The following PLEKHA8 variants were observed in gnomAD, a reference collection of about 807,000 sequenced individuals.
PLEKHA8 encodes pleckstrin homology domain containing A8.
PLEKHA8 carries 36 observed loss-of-function variants against 68.2 expected under a neutral mutation model. That is an observed-to-expected ratio of 0.53 (90% CI 0.40 to 0.70). PLEKHA8 has a LOEUF of 0.70. Among genes scored for constraint, PLEKHA8 ranks in the 30% least tolerant of loss-of-function variants. The pLI is 0.00. For synonymous variants in PLEKHA8, 211 were observed against 216.1 expected, an observed-to-expected ratio of 0.98 and a Z score of 0.20; for missense variants, 505 against 615.4, an observed-to-expected ratio of 0.82 and a Z score of 1.90.
rs190998871 is a variant in PLEKHA8, at chr7:30,038,726, G to A, written c.41-6359G>A. Among the ~76,000 whole-genome samples the A allele has an allele frequency of 4.1e-4, 62 of 152,222 alleles. 1 individual carries two copies. The highest frequency in any genetic ancestry group is 1.3e-3 in the African/African-American group (56 of 41,554). ...TTAATGGAGTACAGTTTTTCATAGT[G>A]ATGTGTTTGGATGAGCCACTTGTCA... On this transcript the variant is annotated intron_variant, in intron 1 of 13. Coordinates refer to ENST00000449726, the MANE Select transcript of PLEKHA8 (RefSeq NM_001197026.2).
At chr7:30,109,124 CTCTT>C (rs1487131144) in intron 13 of PLEKHA8, among the ~76,000 whole-genome samples, 1 of 152,030 alleles carries the variant, frequency 6.6e-6, no homozygotes, top group African/African-American at 2.4e-5. Context: ...TTCACTCTCT[CTCTT>C]TCTCTCTCTC....
chr7:30,070,568 CAG>C (rs1794168055), intron 12 of PLEKHA8, among the ~76,000 whole-genome samples: 1 of 140,400 alleles, frequency 7.1e-6, no homozygotes, highest in Admixed American at 7.4e-5. Flanking sequence ...TTTTTTGAGA[CAG>C]AGTTTCTATG....
chr7:30,032,553 C>T (rs184825121), intron 1 of PLEKHA8, among the ~76,000 whole-genome samples: 2 of 152,290 alleles, frequency 1.3e-5, no homozygotes, highest in African/African-American at 4.8e-5. Flanking sequence ...CACACAGCCA[C>T]TTATTAAGTG....
chr7:30,064,949 G>C (rs1226679999), intron 12 of PLEKHA8, among the ~76,000 whole-genome samples: 1 of 152,162 alleles, frequency 6.6e-6, no homozygotes, highest in Non-Finnish European at 1.5e-5. Context: ...GGGTGGAACG[G>C]AACCCAGCTG....
chr7:30,028,453 G>T lies in PLEKHA8; in HGVS notation c.-310G>T, dbSNP rs1482122602. ...GCCTGCGACCGGCAGCTCGTTCGCCGCACTTTGGAGGCTTCGGCTGCCCCT... is the reference window on the plus strand; with the variant it reads ...GCCTGCGACCGGCAGCTCGTTCGCCTCACTTTGGAGGCTTCGGCTGCCCCT... On this transcript the variant is annotated 5_prime_UTR_variant, in exon 1 of 14. Transcript: ENST00000449726. The T allele has an allele frequency of 6.6e-6, 2 of 302,706 alleles. No homozygotes were observed. The highest frequency in any genetic ancestry group is 1.2e-5 in the Non-Finnish European group (2 of 164,676). 18.8% of individuals were successfully genotyped at this position (302,706 alleles called of 1,614,324 possible). A position where few individuals can be genotyped will look rare whatever the true frequency, so the allele number is the denominator to read the frequency against.
At chr7:30,050,643 C>T (rs1303119726) in intron 6 of PLEKHA8, 169 bp downstream of exon 6, 5 of 877,508 alleles carry the variant, frequency 5.7e-6, no homozygotes, top group Non-Finnish European at 8.0e-6. Context: ...TGAATCAACC[C>T]AGAGCAGACC....
At chr7:30,046,505 T>A in intron 3 of PLEKHA8, 140 bp downstream of exon 3, 2 of 988,754 alleles carry the variant, frequency 2.0e-6, no homozygotes, top group Non-Finnish European at 2.9e-6. Context: ...TAGTATAATT[T>A]AAACCAGGGT....
intron 7 of PLEKHA8, 77 bp downstream of exon 7, chr7:30,052,943 T>G: frequency 4.8e-5 from 60 of 1,248,740 alleles, no homozygotes; most frequent in Admixed American, 1.1e-4. Context: ...ATATCCATGA[T>G]AGGGATTAAC....
At chr7:30,032,546 A>G (rs1790745919) in intron 1 of PLEKHA8, among the ~76,000 whole-genome samples, 1 of 152,224 alleles carries the variant, frequency 6.6e-6, no homozygotes, top group Admixed American at 6.5e-5. Context: ...TGAAGGTCAC[A>G]CAGCCACTTA....
At chr7:30,039,704 G>GT (rs150167543) in intron 1 of PLEKHA8, among the ~76,000 whole-genome samples, 1 of 151,794 alleles carries the variant, frequency 6.6e-6, no homozygotes, top group Non-Finnish European at 1.5e-5. Context: ...ATTCTAATAG[G>GT]TTTTTTTTAG....
intron 13 of PLEKHA8, among the ~76,000 whole-genome samples, chr7:30,107,999 G>T (rs1234461077): frequency 6.8e-6 from 1 of 148,050 alleles, no homozygotes; most frequent in East Asian, 2.0e-4. Context: ...AACCCAGGAG[G>T]CAGAGGTTGC....
rs1482234308 is a variant in PLEKHA8 at position 30,055,327 on chromosome 7, G to A, written c.1024G>A (p.Val342Met). Residue 342 changes from valine (V) to methionine (M), a missense_variant, in exon 9 of 14, where the codon GTG becomes ATG. Physicochemically the swap from Val to Met is conservative, Grantham distance 21. Coordinates refer to ENST00000449726, the MANE Select transcript of PLEKHA8 (RefSeq NM_001197026.2). ...AGCATTCTTGGCATCATGTTATGCT[G>A]TGGTTCCAGTATTAGGTAAGATTCC... Reference protein sequence around the residue: ...TEAFLASCYAVVPVLDKLGPT... With the variant: ...TEAFLASCYAMVPVLDKLGPT... 1 of 1,614,024 alleles carries A rather than the reference G, an allele frequency of 6.2e-7. No homozygotes were observed. The highest frequency in any genetic ancestry group is 8.5e-7 in the Non-Finnish European group (1 of 1,179,908).
intron 13 of PLEKHA8, among the ~76,000 whole-genome samples, chr7:30,096,826 C>G (rs535375535): frequency 6.6e-6 from 1 of 152,256 alleles, no homozygotes; most frequent in African/African-American, 2.4e-5. Flanking sequence ...CCCATTTACA[C>G]TTAAGGTCAA....
rs192345174 is a variant in PLEKHA8, at chr7:30,079,080, T to C, written c.*293T>C. On this transcript the variant is annotated 3_prime_UTR_variant, in exon 14 of 14. Coordinates refer to ENST00000449726, the MANE Select transcript of PLEKHA8 (RefSeq NM_001197026.2). ...GATTTAACAAACAAATTTGCTGTTA[T>C]TGTGTATTGTATTGTTTTTATATTT... 2.0e-5 allele frequency: 23 copies of C among 1,149,388 alleles called. No homozygotes were observed. In the African/African-American group the frequency reaches 3.3e-4, roughly 17 times the overall value. The allele number at this position is 1,149,388 out of a possible 1,614,324, so 71.2% of individuals were successfully genotyped here.
chr7:30,090,340 A>G, exon 13 of PLEKHA8: 2 of 812,174 alleles, frequency 2.5e-6, no homozygotes, highest in Non-Finnish European at 3.8e-6. Flanking sequence ...TGAGTAGGAA[A>G]AAAGAATGAC....
At chr7:30,061,090 T>A in intron 10 of PLEKHA8, 148 bp downstream of exon 10, 3 of 709,194 alleles carry the variant, frequency 4.2e-6, no homozygotes, top group Admixed American at 2.6e-5. Flanking sequence ...ACACTGTGAA[T>A]GCTCAGTAAG....
chr7:30,092,492 C>T (rs55969853), downstream of PLEKHA8, among the ~76,000 whole-genome samples: 1 of 152,148 alleles, frequency 6.6e-6, no homozygotes, highest in African/African-American at 2.4e-5. Flanking sequence ...TTGCCTGAGC[C>T]CCGGAGCCAG....
intron 3 of PLEKHA8, 110 bp downstream of exon 3, chr7:30,046,475 C>A (rs575728057): frequency 8.3e-7 from 1 of 1,205,678 alleles, no homozygotes; most frequent in Non-Finnish European, 1.1e-6. Context: ...CTTTTTGTGT[C>A]ATGCAAATGC....
chr7:30,044,881 A>G (rs1329977126), intron 1 of PLEKHA8, among the ~76,000 whole-genome samples: 1 of 152,188 alleles, frequency 6.6e-6, no homozygotes, highest in African/African-American at 2.4e-5. Flanking sequence ...AAAAATATAT[A>G]CTTCTTTGGG....
Sources: gnomAD v4.1 joint callset for allele counts (sites outside exome capture counted in the v4.1 genomes callset) on GRCh38, gnomAD v4.1.1 for gene constraint, MANE v1.5 for transcripts, NCBI Gene and HGNC (gene_info 2026-07-23, HGNC 2026-07-21) for gene names.